MCTP2: variants seen among roughly 807,000 people sequenced by gnomAD.
MCTP2 encodes multiple C2 and transmembrane domain-containing protein 2.
In MCTP2, 132 loss-of-function variants were observed where a neutral mutation model predicts 111.6. That is an observed-to-expected ratio of 1.18 (90% confidence interval 1.03 to 1.37). The LOEUF is 1.37. Ranked by LOEUF, MCTP2 falls within the 40% of genes most tolerant of loss-of-function variation. The pLI, the probability that MCTP2 is intolerant of heterozygous loss-of-function variation, is 0.00. For synonymous variants in MCTP2, 395 were observed against 387.7 expected (o/e 1.02, Z -0.22); for missense variants, 1,183 against 1,067.9 (o/e 1.11, Z -1.50).
At chr15:94,236,293 A>G (rs1359443731) in intron 1 of MCTP2, among the ~76,000 whole-genome samples, 3 of 151,516 alleles carry the variant, frequency 2.0e-5, no homozygotes, top group Non-Finnish European at 4.4e-5. Context: ...AGATATTCAG[A>G]AGAGCTGTGC....
At chr15:94,440,490 G>C (rs1323556850) in intron 18 of MCTP2, among the ~76,000 whole-genome samples, 192 bp downstream of exon 18, 1 of 152,156 alleles carries the variant, frequency 6.6e-6, no homozygotes, top group Non-Finnish European at 1.5e-5. Context: ...GGCATCTTAC[G>C]TTCCTGAGTC....
chr15:94,311,925 C>T (rs1242831631), intron 2 of MCTP2, among the ~76,000 whole-genome samples: 1 of 152,200 alleles, frequency 6.6e-6, no homozygotes, highest in Non-Finnish European at 1.5e-5. Flanking sequence ...ACGGTTTAAT[C>T]ATACCTCTGT....
Position 94,252,632 on chromosome 15 carries a change from A to ATTT in MCTP2, c.-66+20979_-66+20981dup, listed in dbSNP as rs201850560. 9.3e-3 allele frequency among the ~76,000 whole-genome samples: 1,370 copies of ATTT among 146,656 alleles called. 15 individuals are homozygous for ATTT. The highest frequency in any genetic ancestry group is 0.033 in the African/African-American group (1,321 of 40,266). On this transcript the variant is annotated intron_variant, in intron 1 of 22. Transcript: ENST00000357742. ...TTTTATTCATGCCTCTGGTTTACAGATTTTTTTTTTTTTGGTCTCAAAGTA... is the reference window on the plus strand; with the variant it reads ...TTTTATTCATGCCTCTGGTTTACAGATTTTTTTTTTTTTTTTGGTCTCAAAGTA...
At chr15:94,469,742 C>T (rs2152539491) in intron 20 of MCTP2, among the ~76,000 whole-genome samples, 1 of 152,122 alleles carries the variant, frequency 6.6e-6, no homozygotes, top group South Asian at 2.1e-4. Flanking sequence ...TGTGGTGTCT[C>T]TTGCCTGTAG....
chr15:94,234,618 C>T (rs543728163), intron 1 of MCTP2, among the ~76,000 whole-genome samples: 4 of 152,266 alleles, frequency 2.6e-5, no homozygotes, highest in African/African-American at 9.6e-5. Context: ...AGCAGAGACA[C>T]TCTGGACACT....
intron 12 of MCTP2, among the ~76,000 whole-genome samples, chr15:94,377,554 A>G (rs2079845139): frequency 6.6e-6 from 1 of 152,242 alleles, no homozygotes; most frequent in Non-Finnish European, 1.5e-5. Context: ...ATGAATTAAC[A>G]GAGGAATCGC....
At chr15:94,244,713 C>T (rs1026653669) in intron 1 of MCTP2, among the ~76,000 whole-genome samples, 2 of 147,714 alleles carry the variant, frequency 1.4e-5, no homozygotes, top group Non-Finnish European at 3.0e-5. Context: ...TACATATGCA[C>T]CTATGTTTAT....
intron 17 of MCTP2, among the ~76,000 whole-genome samples, chr15:94,415,243 C>T (rs776685587): frequency 3.5e-4 from 54 of 152,130 alleles, no homozygotes; most frequent in Admixed American, 4.6e-4. Flanking sequence ...AAAGGTGACG[C>T]TCCTTGTCAA....
chr15:94,373,565 A>G (rs2079598120), intron 12 of MCTP2, among the ~76,000 whole-genome samples: 1 of 152,194 alleles, frequency 6.6e-6, no homozygotes, highest in Non-Finnish European at 1.5e-5. Context: ...CTACCTGTTA[A>G]TACATTTAAA....
chr15:94,323,291 A>G (rs1179135876), intron 4 of MCTP2, among the ~76,000 whole-genome samples: 1 of 152,220 alleles, frequency 6.6e-6, no homozygotes, highest in East Asian at 1.9e-4. Flanking sequence ...CAGGGTCTTT[A>G]GCTGTGGCCT....
chr15:94,416,397 C>G (rs571761819), intron 17 of MCTP2, among the ~76,000 whole-genome samples: 1 of 151,998 alleles, frequency 6.6e-6, no homozygotes, highest in African/African-American at 2.4e-5. Context: ...GAGCAGATGA[C>G]GGGAACAATT....
At chr15:94,407,081 G>A (rs1050067193) in intron 17 of MCTP2, among the ~76,000 whole-genome samples, 7 of 152,002 alleles carry the variant, frequency 4.6e-5, no homozygotes, top group African/African-American at 1.7e-4. Context: ...AGATAACTTT[G>A]CATTGTGATA....
chr15:94,232,905 A>T (rs1260466216), intron 1 of MCTP2, among the ~76,000 whole-genome samples: 2 of 152,220 alleles, frequency 1.3e-5, no homozygotes, highest in African/African-American at 2.4e-5. Flanking sequence ...CATGCTAGGC[A>T]CTTTGTCTTG....
chr15:94,455,469 C>G lies in MCTP2; in HGVS notation c.2251-2668C>G, dbSNP rs754177621. ...TGTTTTTTTTTTTTAGACGGAGTCT[C>G]GCTCTGTCGCCAGGCTCGAGTGCAG... is the stretch of plus-strand genomic sequence containing the variant. On this transcript the variant is annotated intron_variant, in intron 19 of 22. Transcript: ENST00000357742. Among the ~76,000 whole-genome samples the G allele has an allele frequency of 2.0e-4, 31 of 151,828 alleles. 1 individual carries two copies. Among genetic ancestry groups the G allele is most frequent in the Admixed American group, 5.2e-4 (8 of 15,262 alleles).
At chr15:94,282,276 C>T (rs762270165) in intron 1 of MCTP2, among the ~76,000 whole-genome samples, 48 of 152,096 alleles carry the variant, frequency 3.2e-4, no homozygotes, top group Middle Eastern at 3.2e-3. Context: ...TGTCTGCCTG[C>T]GTTGATTCAA....
At chr15:94,249,105 T>G (rs1430462873) in intron 1 of MCTP2, among the ~76,000 whole-genome samples, 1 of 152,212 alleles carries the variant, frequency 6.6e-6, no homozygotes. Flanking sequence ...TGATAATATT[T>G]TATTACACAT....
At chr15:94,447,596 G>C (rs935574694) in intron 19 of MCTP2, among the ~76,000 whole-genome samples, 2 of 152,056 alleles carry the variant, frequency 1.3e-5, no homozygotes, top group African/African-American at 4.8e-5. Context: ...AGGCTGGTCT[G>C]AAACTCCTGG....
At chr15:94,436,248 C>T (rs534685513) in intron 17 of MCTP2, among the ~76,000 whole-genome samples, 2 of 152,330 alleles carry the variant, frequency 1.3e-5, no homozygotes, top group Admixed American at 1.3e-4. Context: ...AGAGTGACTG[C>T]AGCTGCTCTT....
intron 4 of MCTP2, among the ~76,000 whole-genome samples, chr15:94,327,084 T>C (rs1303929771): frequency 1.3e-5 from 2 of 152,202 alleles, no homozygotes; most frequent in African/African-American, 4.8e-5. Context: ...TTAGATTGTG[T>C]TTATAAAGTT....
Sources: gnomAD v4.1 joint callset for allele counts (sites outside exome capture counted in the v4.1 genomes callset) on GRCh38, gnomAD v4.1.1 for gene constraint, MANE v1.5 for transcripts, NCBI Gene and HGNC (gene_info 2026-07-23, HGNC 2026-07-21) for gene names.